The following LILRB3 variants were observed in gnomAD, a reference collection of about 807,000 sequenced individuals.
LILRB3 encodes leukocyte immunoglobulin-like receptor subfamily B member 3.
A neutral mutation model predicts 68.2 loss-of-function variants in LILRB3; 32 were observed. The observed-to-expected ratio is 0.47, with a 90% CI of 0.35 to 0.63. The LOEUF (loss-of-function observed/expected upper bound fraction) is 0.63, where lower values mean the gene tolerates loss of function less well. LILRB3 is among the 30% of genes least tolerant of loss of function. The pLI is 0.00. For synonymous variants in LILRB3, 185 were observed against 323.1 expected (o/e 0.57, Z 4.58); for missense variants, 502 against 791.3 (o/e 0.63, Z 4.39).
At chr19:54,219,158 C>CGGA in exon 8 of LILRB3, 2 of 1,545,934 alleles carry the variant, frequency 1.3e-6, no homozygotes, top group Non-Finnish European at 1.8e-6. Flanking sequence ...GTGACGCTGA[C>CGGA]GGAGGAGGAG....
At chr19:54,218,885 C>G in intron 8 of LILRB3, 47 bp from the exon 9 acceptor site, 1 of 1,612,322 alleles carries the variant, frequency 6.2e-7, no homozygotes. Flanking sequence ...ATTAGAACTC[C>G]CATTCTACAC....
At chr19:54,218,303 G>T in intron 11 of LILRB3, 58 bp downstream of exon 11, 1 of 1,605,076 alleles carries the variant, frequency 6.2e-7, no homozygotes, top group South Asian at 1.1e-5. Context: ...GAGAAGTCCT[G>T]CAGGATTAGA....
At chr19:54,216,643 T>G in exon 13 of LILRB3, 1 of 1,019,546 alleles carries the variant, frequency 9.8e-7, no homozygotes, top group Non-Finnish European at 1.2e-6. Context: ...ATGTCATAAG[T>G]TCGATGTATA....
chr19:54,217,971 G>C lies in LILRB3; in HGVS notation c.1593+390C>G, dbSNP rs2077657511. 2.7e-5 allele frequency among the ~76,000 whole-genome samples: 4 copies of C among 148,680 alleles called. 2 individuals are homozygous for C. The highest frequency in any genetic ancestry group is 2.7e-4 in the Admixed American group (4 of 15,066). ...TGAGGTGAGCTCAGGAGGCGGGGGC[G>C]GCTTTGCTCCCTGCTGTGTCTGCAG... On this transcript the variant is annotated intron_variant, in intron 11 of 12. Coordinates refer to ENST00000445347, the Ensembl canonical transcript of LILRB3.
At chr19:54,222,645 C>G in intron 2 of LILRB3, 83 bp from the exon 3 acceptor site, 1 of 1,612,126 alleles carries the variant, frequency 6.2e-7, no homozygotes, top group Non-Finnish European at 8.5e-7. Context: ...CCCATCATCC[C>G]CATCAGTCAC....
intron 7 of LILRB3, chr19:54,219,484 T>A (rs1435765744): frequency 6.5e-7 from 1 of 1,549,790 alleles, no homozygotes; most frequent in Non-Finnish European, 8.7e-7. Context: ...CCCGGGAGTC[T>A]GACCTGCAGC....
At position 54,216,546 on chromosome 19, in the gene LILRB3, A is replaced by G. The variant is rs138539969; in HGVS notation, c.*547T>C. On this transcript the variant is annotated 3_prime_UTR_variant, in exon 13 of 13. Transcript: ENST00000445347. ...AGGATGGTCTCGATCTCCTGACCTC[A>G]TGATCCGCCCGCATCAGCCTCCCAA... 5,007 of 793,210 alleles carry G rather than the reference A, an allele frequency of 6.3e-3. 214 individuals carry two copies. In the African/African-American group the frequency reaches 0.089, roughly 14 times the overall value. The allele number at this position is 793,210 out of a possible 1,614,324, so 49.1% of individuals were successfully genotyped here.
exon 4 of LILRB3, chr19:54,221,831 A>G: frequency 1.3e-6 from 2 of 1,583,906 alleles, no homozygotes; most frequent in Non-Finnish European, 1.7e-6. Context: ...CCCTCACCTG[A>G]GGGCAGAATC....
In LILRB3 at chr19:54,216,726, C is replaced by G. The variant is rs1181426538; in HGVS notation, c.*367G>C. 1.3e-5 allele frequency: 14 copies of G among 1,114,096 alleles called. No homozygotes were observed. In the Admixed American group the frequency reaches 4.9e-4, roughly 39 times the overall value. 69.0% of individuals were successfully genotyped at this position (1,114,096 alleles called of 1,614,324 possible). The stretch of plus-strand genomic sequence containing the variant: ...AGAGACAAGGTCTCGCTCTGTCACA[C>G]AGGCTGGAGTGCAGTGGCACAGTCA... On this transcript the variant is annotated 3_prime_UTR_variant, in exon 13 of 13. Coordinates refer to ENST00000445347, the Ensembl canonical transcript of LILRB3.
chr19:54,219,402 A>G, intron 7 of LILRB3, 157 bp from the exon 8 acceptor site: 1 of 1,469,492 alleles, frequency 6.8e-7, no homozygotes, highest in Non-Finnish European at 9.3e-7. Context: ...ACAGATGCAC[A>G]AACTGAGGCT....
At chr19:54,219,856 G>C (rs1372687323) in intron 7 of LILRB3, 1 of 1,547,192 alleles carries the variant, frequency 6.5e-7, no homozygotes, top group East Asian at 2.4e-5. Context: ...CCCACTCAGA[G>C]CCCCTCACTC....
chr19:54,219,741 A>T (rs2077896138), intron 7 of LILRB3: 1 of 1,479,950 alleles, frequency 6.8e-7, no homozygotes, highest in Admixed American at 2.5e-5. Context: ...ACACTTGGAG[A>T]AACTGAGGCC....
intron 7 of LILRB3, chr19:54,219,836 C>G (rs765268225): frequency 1.6e-5 from 24 of 1,542,150 alleles, no homozygotes; most frequent in Admixed American, 2.0e-5. Flanking sequence ...CCCCTGGACC[C>G]CGCCCATCTC....
chr19:54,218,108 G>C (rs1396022839), intron 11 of LILRB3, among the ~76,000 whole-genome samples: 1 of 150,938 alleles, frequency 6.6e-6, no homozygotes, highest in Non-Finnish European at 1.5e-5. Flanking sequence ...ATCCTCCTGA[G>C]GCCTGGGGAG....
In LILRB3 at chr19:54,220,778, G is replaced by C. The variant is rs763721126; in HGVS notation, c.1008C>G (p.Ala336=). ...ACAGCAGGGTCATGTTCTCTCCTGAGGCCACTGTGGGGCCCGGCTGTGCTG... is the reference window on the plus strand; with the variant it reads ...ACAGCAGGGTCATGTTCTCTCCTGACGCCACTGTGGGGCCCGGCTGTGCTG... Residue 336 remains alanine, a synonymous_variant, in exon 6 of 13, where the codon GCC becomes GCG. Coordinates refer to ENST00000445347, the Ensembl canonical transcript of LILRB3. 2.6e-6 allele frequency: 4 copies of C among 1,520,058 alleles called. No homozygotes were observed. In the South Asian group the frequency reaches 3.5e-5, roughly 13 times the overall value. The allele number at this position is 1,520,058 out of a possible 1,614,324, so 94.2% of individuals were successfully genotyped here.
At chr19:54,219,561 G>A (rs2077871315) in intron 7 of LILRB3, 11 of 1,549,024 alleles carry the variant, frequency 7.1e-6, no homozygotes, top group East Asian at 2.4e-5. Flanking sequence ...CTGAACCACG[G>A]CCCTGCTCCC....
intron 10 of LILRB3, 33 bp from the exon 11 acceptor site, chr19:54,218,446 G>A (rs947377276): frequency 1.1e-5 from 18 of 1,613,414 alleles, no homozygotes; most frequent in Non-Finnish European, 1.5e-5. Context: ...TCGTCTCCTG[G>A]TTCTCTGAGA....
chr19:54,219,614 G>A (rs1201942175), intron 7 of LILRB3: 17 of 1,529,796 alleles, frequency 1.1e-5, no homozygotes, highest in Non-Finnish European at 1.5e-5. Flanking sequence ...GGTGGGACGG[G>A]ACAGGCCCCT....
chr19:54,219,591 C>G, intron 7 of LILRB3: 10 of 1,545,470 alleles, frequency 6.5e-6, no homozygotes, highest in Non-Finnish European at 8.7e-6. Context: ...CCCAGGTCAC[C>G]GTCACTGCTG....
Sources: gnomAD v4.1 joint callset for allele counts (sites outside exome capture counted in the v4.1 genomes callset) on GRCh38, gnomAD v4.1.1 for gene constraint, MANE v1.5 for transcripts, NCBI Gene and HGNC (gene_info 2026-07-23, HGNC 2026-07-21) for gene names.